The following TRIO variants were observed in gnomAD, a reference collection of about 807,000 sequenced individuals.
The protein encoded by TRIO is trio Rho guanine nucleotide exchange factor.
TRIO carries 58 observed loss-of-function variants against 351.9 expected under a neutral mutation model. The observed-to-expected ratio is 0.16, with a 90% CI of 0.13 to 0.21. The LOEUF (loss-of-function observed/expected upper bound fraction) is 0.21, where lower values mean the gene tolerates loss of function less well. TRIO is among the 10% of genes least tolerant of loss of function. The pLI, the probability that TRIO is intolerant of heterozygous loss-of-function variation, is 1.00. For missense variants in TRIO, 3,201 were observed against 4,027.8 expected (o/e 0.79, Z 5.56); for synonymous variants, 1,758 against 1,595.7 (o/e 1.10, Z -2.42).
At chr5:14,260,587 GT>G (rs1795287084) in intron 1 of TRIO, among the ~76,000 whole-genome samples, 1 of 152,188 alleles carries the variant, frequency 6.6e-6, no homozygotes, top group South Asian at 2.1e-4. Context: ...TGAGTTTCAT[GT>G]TAGAATCAAA....
chr5:14,476,973 A>G lies in TRIO; in HGVS notation c.6153+10A>G, dbSNP rs1220154952. On this transcript the variant is annotated intron_variant, in intron 41 of 56. Transcript: ENST00000344204. ...CCTTTTTGTTAAACACGTAAGCACA[A>G]TAGCATTGCTTATATCCTGTTCTGA... The G allele has an allele frequency of 6.2e-7, 1 of 1,609,838 alleles. No individual in the cohort carries two copies. Among genetic ancestry groups the G allele is most frequent in the Non-Finnish European group, 8.5e-7 (1 of 1,176,414 alleles).
intron 21 of TRIO, among the ~76,000 whole-genome samples, chr5:14,385,527 G>A (rs1316128273): frequency 2.0e-5 from 3 of 152,192 alleles, no homozygotes; most frequent in Non-Finnish European, 2.9e-5. Flanking sequence ...GCAAGTACAC[G>A]TGTAAGAAAT....
intron 1 of TRIO, among the ~76,000 whole-genome samples, chr5:14,180,665 C>A (rs1581288111): frequency 1.3e-5 from 2 of 151,986 alleles, no homozygotes; most frequent in East Asian, 1.9e-4. Flanking sequence ...AAGATCCTAT[C>A]TCTACAAAAA....
At position 14,384,713 on chromosome 5, in the gene TRIO, T is replaced by C. The variant is rs542626657; in HGVS notation, c.3571-2725T>C. ...ACAGGATATTTTTTATATCCTCGTATGGAGAAATTTGTCTAAATGACACAA... is the reference window on the plus strand; with the variant it reads ...ACAGGATATTTTTTATATCCTCGTACGGAGAAATTTGTCTAAATGACACAA... On this transcript the variant is annotated intron_variant, in intron 21 of 56. Coordinates refer to ENST00000344204, the MANE Select transcript of TRIO (RefSeq NM_007118.4). Among the ~76,000 whole-genome samples the C allele has an allele frequency of 1.1e-4, 17 of 152,254 alleles. No individual in the cohort carries two copies. In the South Asian group the frequency reaches 3.5e-3, roughly 32 times the overall value.
chr5:14,173,239 T>C (rs1174709707), intron 1 of TRIO, among the ~76,000 whole-genome samples: 2 of 150,580 alleles, frequency 1.3e-5, no homozygotes, highest in Admixed American at 1.3e-4. Flanking sequence ...ATTTATTTTT[T>C]TGAGACAGAA....
At chr5:14,415,585 A>G (rs1471536947) in intron 33 of TRIO, among the ~76,000 whole-genome samples, 1 of 152,216 alleles carries the variant, frequency 6.6e-6, no homozygotes, top group Non-Finnish European at 1.5e-5. Context: ...GTTTCTTTGG[A>G]GAACATGAAA....
At chr5:14,355,919 G>C (rs154161) in intron 11 of TRIO, among the ~76,000 whole-genome samples, 131,228 of 152,228 alleles carry the variant, frequency 0.86, 56,786 homozygotes, top group African/African-American at 0.91. Flanking sequence ...CTTCCTTAAT[G>C]TATAAAATGA....
At chr5:14,335,741 G>A (rs1741345397) in intron 10 of TRIO, among the ~76,000 whole-genome samples, 1 of 152,186 alleles carries the variant, frequency 6.6e-6, no homozygotes, top group Non-Finnish European at 1.5e-5. Flanking sequence ...AAGACGAGAG[G>A]ATTATCTGAG....
intron 1 of TRIO, among the ~76,000 whole-genome samples, chr5:14,249,620 G>C (rs972966277): frequency 6.6e-6 from 1 of 152,186 alleles, no homozygotes; most frequent in Non-Finnish European, 1.5e-5. Context: ...TAAAGGGCAG[G>C]CATGTTTACT....
chr5:14,494,347 C>A (rs1756718812), intron 49 of TRIO, among the ~76,000 whole-genome samples: 2 of 152,194 alleles, frequency 1.3e-5, no homozygotes, highest in Admixed American at 1.3e-4. Flanking sequence ...AACAACAAAG[C>A]CTGGCTGACA....
chr5:14,425,600 C>T (rs919142116), intron 34 of TRIO, among the ~76,000 whole-genome samples: 1 of 152,142 alleles, frequency 6.6e-6, no homozygotes, highest in African/African-American at 2.4e-5. Flanking sequence ...TCATATGGTA[C>T]TGTTGTCTGA....
At chr5:14,403,880 C>A (rs1367731041) in intron 31 of TRIO, among the ~76,000 whole-genome samples, 1 of 38,340 alleles carries the variant, frequency 2.6e-5, no homozygotes, top group Non-Finnish European at 4.9e-5. Flanking sequence ...GGTGAGGGTG[C>A]AGGTGGTGGT....
At chr5:14,236,667 A>T (rs1419778319) in intron 1 of TRIO, among the ~76,000 whole-genome samples, 1 of 152,230 alleles carries the variant, frequency 6.6e-6, no homozygotes, top group East Asian at 1.9e-4. Flanking sequence ...TCTTAGTATA[A>T]TAACATTTCC....
chr5:14,294,825 C>T (rs1007631150), intron 6 of TRIO, among the ~76,000 whole-genome samples: 1 of 152,064 alleles, frequency 6.6e-6, no homozygotes, highest in Non-Finnish European at 1.5e-5. Flanking sequence ...ATAGTAAGTA[C>T]TGTATAAATG....
At chr5:14,247,071 C>T (rs950426670) in intron 1 of TRIO, among the ~76,000 whole-genome samples, 1 of 152,248 alleles carries the variant, frequency 6.6e-6, no homozygotes, top group African/African-American at 2.4e-5. Flanking sequence ...CACCCCCCAC[C>T]TCCCCCTTCC....
chr5:14,334,170 G>A (rs576740974), intron 10 of TRIO, among the ~76,000 whole-genome samples: 28 of 152,260 alleles, frequency 1.8e-4, no homozygotes, highest in African/African-American at 6.5e-4. Flanking sequence ...CTTTTGTGAG[G>A]CACAGTGTTA....
At chr5:14,415,303 CCCA>C (rs1032184915) in intron 33 of TRIO, among the ~76,000 whole-genome samples, 3 of 152,218 alleles carry the variant, frequency 2.0e-5, no homozygotes, top group African/African-American at 7.2e-5. Context: ...GACTGCATCA[CCCA>C]CCACACCAGT....
At chr5:14,349,427 T>A (rs1742832510) in intron 11 of TRIO, among the ~76,000 whole-genome samples, 1 of 152,264 alleles carries the variant, frequency 6.6e-6, no homozygotes, top group Admixed American at 6.5e-5. Flanking sequence ...CTCTTTTTTT[T>A]AAGTGTTAAA....
chr5:14,249,490 A>T (rs534418248), intron 1 of TRIO, among the ~76,000 whole-genome samples: 2 of 152,264 alleles, frequency 1.3e-5, no homozygotes, highest in South Asian at 4.1e-4. Context: ...GAATGGGTTC[A>T]TGTGGTTCAG....
Sources: allele counts gnomAD v4.1 joint callset (sites outside exome capture counted in the v4.1 genomes callset), GRCh38; gene constraint gnomAD v4.1.1; transcripts MANE v1.5; gene names NCBI Gene and HGNC (gene_info 2026-07-23, HGNC 2026-07-21).